ERI3: variants seen among roughly 807,000 people sequenced by gnomAD.
The protein encoded by ERI3 is ERI1 exoribonuclease family member 3.
In ERI3, 18 loss-of-function variants were observed where a neutral mutation model predicts 44.4. The observed-to-expected ratio is 0.41, with a 90% CI of 0.28 to 0.60. The LOEUF is 0.60. Ranked by LOEUF, ERI3 falls within the 20% of genes least tolerant of loss-of-function variation. The probability of loss-of-function intolerance (pLI) is 0.36; values close to 1 mark genes in which losing one functional copy is unlikely to be tolerated. For synonymous variants in ERI3, 183 were observed against 164.8 expected, an observed-to-expected ratio of 1.11 and a Z score of -0.84; for missense variants, 294 against 435.5, an observed-to-expected ratio of 0.68 and a Z score of 2.89.
At chr1:44,347,025 G>C (rs1192303728) in intron 2 of ERI3, among the ~76,000 whole-genome samples, 1 of 152,058 alleles carries the variant, frequency 6.6e-6, no homozygotes, top group Non-Finnish European at 1.5e-5. Context: ...GAATGGGTAA[G>C]AATATTCGCA....
chr1:44,228,372 C>A lies in ERI3; in HGVS notation c.932-6732G>T, dbSNP rs575474015. On this transcript the variant is annotated intron_variant, in intron 8 of 8. Transcript: ENST00000372257. This position sits in a 1 kb window ranked among gnomAD's most constrained non-coding sequence, Gnocchi z 4.3. Reference sequence around the variant, plus strand: ...GATTTCTCTCACCGTAATAAGCGCGCTCCAAATAATTAGCGTGTTTTACGT... The same window carrying A: ...GATTTCTCTCACCGTAATAAGCGCGATCCAAATAATTAGCGTGTTTTACGT... 6.6e-6 allele frequency among the ~76,000 whole-genome samples: 1 copy of A among 152,200 alleles called. No homozygotes were observed. Among genetic ancestry groups the A allele is most frequent in the Non-Finnish European group, 1.5e-5 (1 of 68,046 alleles).
chr1:44,354,870 G>A, intron 1 of ERI3, 22 bp downstream of exon 1: 1 of 1,314,706 alleles, frequency 7.6e-7, no homozygotes, highest in Non-Finnish European at 9.8e-7. Context: ...CAATCTTGGC[G>A]GGGCCATTCA....
At chr1:44,290,502 A>G (rs1348277534) in intron 6 of ERI3, among the ~76,000 whole-genome samples, 2 of 152,042 alleles carry the variant, frequency 1.3e-5, no homozygotes, top group African/African-American at 4.8e-5. Context: ...AACTGCCACG[A>G]TTTCCTATGC....
At chr1:44,244,720 A>G (rs192708877) in intron 8 of ERI3, among the ~76,000 whole-genome samples, 1 of 151,958 alleles carries the variant, frequency 6.6e-6, no homozygotes, top group African/African-American at 2.4e-5. Context: ...GCCAACACTG[A>G]CCATGTAACT....
chr1:44,296,058 C>G (rs904641643), intron 6 of ERI3, among the ~76,000 whole-genome samples: 4 of 152,158 alleles, frequency 2.6e-5, no homozygotes, highest in Non-Finnish European at 5.9e-5. Flanking sequence ...CTCGTCCTAG[C>G]TAAAGCCACT....
At chr1:44,335,462 T>C (rs761945073) in intron 3 of ERI3, among the ~76,000 whole-genome samples, 1 of 152,014 alleles carries the variant, frequency 6.6e-6, no homozygotes, top group Non-Finnish European at 1.5e-5. Flanking sequence ...ATGCAGACCT[T>C]ACTCATAAAG....
intron 6 of ERI3, among the ~76,000 whole-genome samples, chr1:44,291,803 C>G (rs1016957972): frequency 9.8e-5 from 15 of 152,344 alleles, no homozygotes; most frequent in African/African-American, 3.6e-4. Flanking sequence ...AGGAGAGGAG[C>G]CTGGCCTTTT....
chr1:44,328,132 C>T (rs891457456), intron 3 of ERI3, among the ~76,000 whole-genome samples: 1 of 152,200 alleles, frequency 6.6e-6, no homozygotes, highest in Non-Finnish European at 1.5e-5. Context: ...TGATGGCCAG[C>T]AGCCAGGAAG....
chr1:44,351,279 CCA>C (rs1646885037), intron 2 of ERI3, among the ~76,000 whole-genome samples: 1 of 152,118 alleles, frequency 6.6e-6, no homozygotes, highest in African/African-American at 2.4e-5. Flanking sequence ...AGTGATCTGC[CCA>C]CCTCAGCTTC....
intron 7 of ERI3, 37 bp downstream of exon 7, chr1:44,284,798 C>T: frequency 6.4e-7 from 1 of 1,560,328 alleles, no homozygotes; most frequent in Non-Finnish European, 8.8e-7. Context: ...CACAAGAGCA[C>T]CAGGGGAAGC....
At chr1:44,350,599 T>C (rs1054603365) in intron 2 of ERI3, among the ~76,000 whole-genome samples, 1 of 152,060 alleles carries the variant, frequency 6.6e-6, no homozygotes, top group Non-Finnish European at 1.5e-5. Context: ...CCTTTCTACA[T>C]CTTTTCCAGT....
intron 2 of ERI3, among the ~76,000 whole-genome samples, chr1:44,346,373 T>C (rs1383734847): frequency 1.3e-5 from 2 of 152,212 alleles, no homozygotes; most frequent in African/African-American, 2.4e-5. Context: ...AAGAAACACA[T>C]AAAAAGAGGC....
chr1:44,221,334 AGGGGTG>A lies in ERI3; in HGVS notation c.*218_*223del. 1.8e-6 allele frequency: 1 copy of A among 553,364 alleles called. No homozygotes were observed. The highest frequency in any genetic ancestry group is 3.2e-6 in the Non-Finnish European group (1 of 309,688). 34.3% of individuals were successfully genotyped at this position (553,364 alleles called of 1,614,324 possible). A position where few individuals can be genotyped will look rare whatever the true frequency, so the allele number is the denominator to read the frequency against. ...AGGGGCTGATACTGGGCTGAGATTG[AGGGGTG>A]GGGATGGGGGGCACAAAGTGTCTGC... On this transcript the variant is annotated 3_prime_UTR_variant, in exon 9 of 9. Transcript: ENST00000372257. This position sits in a 1 kb window ranked among gnomAD's most constrained non-coding sequence, Gnocchi z 5.9.
chr1:44,329,801 A>T (rs2154330229), intron 3 of ERI3, among the ~76,000 whole-genome samples: 1 of 152,324 alleles, frequency 6.6e-6, no homozygotes, highest in Middle Eastern at 3.4e-3. Flanking sequence ...TCTTCTACTC[A>T]GAGTACCCCA....
At chr1:44,274,693 G>C (rs1645148040) in intron 7 of ERI3, among the ~76,000 whole-genome samples, 1 of 152,092 alleles carries the variant, frequency 6.6e-6, no homozygotes, top group African/African-American at 2.4e-5. Context: ...TTCAAGATCT[G>C]GAGTCTCAAG....
rs753791060 is a variant in ERI3 at position 44,317,021 on chromosome 1, GTCTC to G, written c.606+2603_606+2606del. ...CTAATATGAAGCAGTAAAAGTAGGAGTCTCTCTGTGTGTGCTAGAGACTTGTTCA... is the reference window on the plus strand; with the variant it reads ...CTAATATGAAGCAGTAAAAGTAGGAGTCTGTGTGTGCTAGAGACTTGTTCA... On this transcript the variant is annotated intron_variant, in intron 4 of 8. Coordinates refer to ENST00000372257, the MANE Select transcript of ERI3 (RefSeq NM_024066.3). Among the ~76,000 whole-genome samples the G allele has an allele frequency of 7.0e-4, 106 of 152,198 alleles. 1 individual carries two copies. Among genetic ancestry groups the G allele is most frequent in the Non-Finnish European group, 3.8e-4 (26 of 68,032 alleles).
chr1:44,316,764 T>C (rs913596097), intron 4 of ERI3, among the ~76,000 whole-genome samples: 2 of 152,160 alleles, frequency 1.3e-5, no homozygotes, highest in Non-Finnish European at 2.9e-5. Flanking sequence ...AGTATTTCTC[T>C]AGTTTTTTTT....
chr1:44,339,338 T>C lies in ERI3; in HGVS notation c.212-16A>G. ...GCATCTAAAACTTAGGGGAGGAAAG[T>C]TTAAAAAAAAAAAAAAAAAAGAAAA... On this transcript the variant is annotated splice_polypyrimidine_tract_variant and intron_variant, in intron 2 of 8. Coordinates refer to ENST00000372257, the MANE Select transcript of ERI3 (RefSeq NM_024066.3). The C allele has an allele frequency of 7.7e-7, 1 of 1,300,972 alleles. No homozygotes were observed. The highest frequency in any genetic ancestry group is 9.8e-7 in the Non-Finnish European group (1 of 1,022,106). 80.6% of individuals were successfully genotyped at this position (1,300,972 alleles called of 1,614,324 possible).
chr1:44,321,965 TAG>T lies in ERI3; in HGVS notation c.490-2223_490-2222del, dbSNP rs575878892. Among the ~76,000 whole-genome samples, 291 of 152,318 alleles carry T rather than the reference TAG, an allele frequency of 1.9e-3. 1 individual carries two copies. Among genetic ancestry groups the T allele is most frequent in the African/African-American group, 6.5e-3 (269 of 41,558 alleles). The stretch of plus-strand genomic sequence containing the variant: ...TTAAGCCCATGATACATTATGAAAT[TAG>T]GAGTTGACATTCCTCTGGAAATAAA... On this transcript the variant is annotated intron_variant, in intron 3 of 8. Coordinates refer to ENST00000372257, the MANE Select transcript of ERI3 (RefSeq NM_024066.3).
Sources: gnomAD v4.1 joint callset for allele counts (sites outside exome capture counted in the v4.1 genomes callset) on GRCh38, gnomAD v4.1.1 for gene constraint, Gnocchi (gnomAD v3.1) non-coding constraint, MANE v1.5 for transcripts, NCBI Gene and HGNC (gene_info 2026-07-23, HGNC 2026-07-21) for gene names.